SAP30BP: variants seen among roughly 807,000 people sequenced by gnomAD.
SAP30BP encodes SAP30-binding protein.
A neutral mutation model predicts 46.3 loss-of-function variants in SAP30BP; 31 were observed. That is an observed-to-expected ratio of 0.67 (90% CI 0.50 to 0.90). The LOEUF (loss-of-function observed/expected upper bound fraction) is 0.90. Ranked by LOEUF, SAP30BP falls within the 40% of genes least tolerant of loss-of-function variation. The probability of loss-of-function intolerance (pLI) is 0.00; values close to 1 mark genes in which losing one functional copy is unlikely to be tolerated. For synonymous variants in SAP30BP, 169 were observed against 144.2 expected (o/e 1.17, Z -1.23); for missense variants, 312 against 391.0 (o/e 0.80, Z 1.70).
In SAP30BP at chr17:75,705,576, C is replaced by A. The variant is rs1383733454; in HGVS notation, c.661-432C>A. 2.4e-5 allele frequency: 24 copies of A among 1,003,486 alleles called. No individual in the cohort carries two copies. The East Asian group carries it at 1.8e-3, about 77-fold the overall frequency. 62.2% of individuals were successfully genotyped at this position (1,003,486 alleles called of 1,614,324 possible). ...ATTCTTAACCCTTGATTGAATCTCC[C>A]TTCTCTCTCTTTCCCTCTCCCTTCC... On this transcript the variant is annotated intron_variant, in intron 9 of 10. Coordinates refer to ENST00000584667, the MANE Select transcript of SAP30BP (RefSeq NM_013260.8).
intron 1 of SAP30BP, chr17:75,668,073 T>C (rs1055984359): frequency 1.9e-5 from 3 of 160,872 alleles, no homozygotes; most frequent in African/African-American, 7.2e-5. Flanking sequence ...TGTTAGATAA[T>C]GGAAACAGAT....
At chr17:75,698,158 G>A (rs1022584784) in intron 4 of SAP30BP, among the ~76,000 whole-genome samples, 6 of 152,226 alleles carry the variant, frequency 3.9e-5, no homozygotes, top group Non-Finnish European at 2.9e-5. Flanking sequence ...GGTGGCCCAA[G>A]GCTGCGGGGA....
chr17:75,697,268 C>T (rs761657980), intron 4 of SAP30BP, among the ~76,000 whole-genome samples: 1 of 152,228 alleles, frequency 6.6e-6, no homozygotes, highest in Non-Finnish European at 1.5e-5. Flanking sequence ...ATGTGCCTAG[C>T]GCCTGCCAAG....
At chr17:75,668,312 C>CT (rs2059838686) in intron 1 of SAP30BP, 1 of 509,324 alleles carries the variant, frequency 2.0e-6, no homozygotes, top group Non-Finnish European at 3.4e-6. Context: ...GTTCCCTGAC[C>CT]TTTTAATGAT....
intron 3 of SAP30BP, 114 bp from the exon 4 acceptor site, chr17:75,693,326 C>T: frequency 2.4e-6 from 2 of 846,138 alleles, no homozygotes; most frequent in Non-Finnish European, 3.9e-6. Context: ...CCTTAGTGTT[C>T]CTGGCAGTGC....
At chr17:75,692,321 T>C in intron 3 of SAP30BP, 1 of 985,512 alleles carries the variant, frequency 1.0e-6, no homozygotes, top group South Asian at 4.7e-5. Flanking sequence ...TGCGGAGCTC[T>C]GCACCTGTCC....
intron 3 of SAP30BP, among the ~76,000 whole-genome samples, chr17:75,678,312 A>T (rs759151424): frequency 3.9e-5 from 6 of 152,184 alleles, no homozygotes; most frequent in Non-Finnish European, 7.3e-5. Context: ...TAGCATTTGC[A>T]TTTAGCCTTG....
At chr17:75,687,343 T>C (rs2060171913) in intron 3 of SAP30BP, among the ~76,000 whole-genome samples, 1 of 152,164 alleles carries the variant, frequency 6.6e-6, no homozygotes, top group African/African-American at 2.4e-5. Context: ...GGGCCAGATG[T>C]GGTGGCTCAC....
At chr17:75,682,409 T>G (rs565237568) in intron 3 of SAP30BP, among the ~76,000 whole-genome samples, 6 of 152,068 alleles carry the variant, frequency 3.9e-5, no homozygotes, top group Admixed American at 3.9e-4. Flanking sequence ...GGTCTTGAAC[T>G]CCTGACCTCA....
intron 3 of SAP30BP, chr17:75,691,712 G>A (rs1480383752): frequency 1.5e-5 from 5 of 339,586 alleles, no homozygotes; most frequent in Non-Finnish European, 2.9e-5. Context: ...TGGAGGGAGA[G>A]TTAACGAATG....
chr17:75,704,345 G>A (rs915544477), intron 8 of SAP30BP, among the ~76,000 whole-genome samples: 1 of 152,222 alleles, frequency 6.6e-6, no homozygotes, highest in Non-Finnish European at 1.5e-5. Context: ...TAAGCCTGCA[G>A]CCCATGGCCC....
intron 5 of SAP30BP, among the ~76,000 whole-genome samples, chr17:75,701,772 C>G (rs2060414934): frequency 6.6e-6 from 1 of 152,306 alleles, no homozygotes; most frequent in South Asian, 2.1e-4. Flanking sequence ...AAATTGAAAA[C>G]CAGGATTTAG....
intron 3 of SAP30BP, among the ~76,000 whole-genome samples, chr17:75,678,518 G>C (rs763938146): frequency 6.6e-6 from 1 of 151,532 alleles, no homozygotes; most frequent in South Asian, 2.1e-4. Context: ...TCTGGCCATG[G>C]ATTCAGAACC....
intron 3 of SAP30BP, chr17:75,692,345 G>C: frequency 1.0e-6 from 1 of 985,440 alleles, no homozygotes; most frequent in African/African-American, 1.7e-5. Flanking sequence ...AAAAGGTCTT[G>C]TTGCAGGGTC....
At chr17:75,680,898 G>T (rs1223342440) in intron 3 of SAP30BP, among the ~76,000 whole-genome samples, 2 of 152,192 alleles carry the variant, frequency 1.3e-5, no homozygotes, top group African/African-American at 4.8e-5. Flanking sequence ...GCCAGGCATG[G>T]TAGTGTGTGC....
At chr17:75,691,679 C>A in intron 3 of SAP30BP, 1 of 344,774 alleles carries the variant, frequency 2.9e-6, no homozygotes, top group South Asian at 2.2e-5. Context: ...GGTGCGGAGC[C>A]TTGGGGAAGG....
At position 75,667,353 on chromosome 17, in the gene SAP30BP, G is replaced by T. The variant is rs1257725725; in HGVS notation, c.-20G>T. 1.2e-6 allele frequency: 2 copies of T among 1,613,456 alleles called. No individual in the cohort carries two copies. Among genetic ancestry groups the T allele is most frequent in the East Asian group, 2.2e-5 (1 of 44,878 alleles). On this transcript the variant is annotated 5_prime_UTR_variant, in exon 1 of 11. Coordinates refer to ENST00000584667, the MANE Select transcript of SAP30BP (RefSeq NM_013260.8). ...GTCTTGAGTCATAGGAGTGAGCCAC[G>T]CCCGGGCTGTGGGAATAAGATGGCG... is the stretch of plus-strand genomic sequence containing the variant.
At chr17:75,672,311 T>C (rs2148370058) in intron 3 of SAP30BP, among the ~76,000 whole-genome samples, 1 of 152,328 alleles carries the variant, frequency 6.6e-6, no homozygotes, top group African/African-American at 2.4e-5. Context: ...TCTCCCCAGC[T>C]CTCAGGGATG....
At chr17:75,691,052 T>C (rs1390269852) in intron 3 of SAP30BP, among the ~76,000 whole-genome samples, 1 of 152,172 alleles carries the variant, frequency 6.6e-6, no homozygotes, top group East Asian at 1.9e-4. Context: ...AGTACTTTGT[T>C]CAGAGGCACT....
Sources: allele counts gnomAD v4.1 joint callset (sites outside exome capture counted in the v4.1 genomes callset), GRCh38; gene constraint gnomAD v4.1.1; transcripts MANE v1.5; gene names NCBI Gene and HGNC (gene_info 2026-07-23, HGNC 2026-07-21).